Variants in DSG3 observed in about 807,000 individuals in gnomAD.
DSG3 encodes desmoglein 3.
Under a neutral mutation model 85.9 loss-of-function variants are expected in DSG3, and 63 were observed. That is an observed-to-expected ratio of 0.73 (90% CI 0.60 to 0.90). The LOEUF (loss-of-function observed/expected upper bound fraction) is 0.90. Ranked by LOEUF, DSG3 falls within the 40% of genes least tolerant of loss-of-function variation. The pLI is 0.00. For synonymous variants in DSG3, 447 were observed against 441.9 expected (o/e 1.01, Z -0.14); for missense variants, 1,220 against 1,219.9 (o/e 1.00, Z 0.00).
chr18:31,460,286 A>T (rs1046038280), intron 6 of DSG3, among the ~76,000 whole-genome samples: 2 of 152,232 alleles, frequency 1.3e-5, no homozygotes, highest in East Asian at 3.9e-4. Flanking sequence ...ATACATGGAC[A>T]AAGATTGAAC....
At chr18:31,460,182 C>T (rs925323295) in intron 6 of DSG3, among the ~76,000 whole-genome samples, 171 bp downstream of exon 6, 6 of 152,084 alleles carry the variant, frequency 3.9e-5, no homozygotes, top group African/African-American at 4.8e-5. Flanking sequence ...TCTGGTGAGG[C>T]GAGATGTGTA....
At position 31,460,946 on chromosome 18, in the gene DSG3, G is replaced by A. The variant is rs1453065126; in HGVS notation, c.798G>A (p.Met266Ile). ...KVKDVNDNFPMFRDSQYSARI... is the reference protein window; with the variant it reads ...KVKDVNDNFPIFRDSQYSARI... Reference sequence around the variant, plus strand: ...AAGATGTCAACGATAACTTCCCAATGTTTAGAGACTCTCAGGTACACCCAT... The same window carrying A: ...AAGATGTCAACGATAACTTCCCAATATTTAGAGACTCTCAGGTACACCCAT... The change falls in exon 7 of 16, where the codon ATG (methionine) becomes ATA (isoleucine). Residue 266 changes from methionine (M) to isoleucine (I), a missense_variant. Coordinates refer to ENST00000257189, the MANE Select transcript of DSG3 (RefSeq NM_001944.3). 3.7e-6 allele frequency: 6 copies of A among 1,600,188 alleles called. No homozygotes were observed. Among genetic ancestry groups the A allele is most frequent in the Middle Eastern group, 1.7e-4 (1 of 6,008 alleles).
In DSG3 at chr18:31,476,966, A is replaced by C. The variant is rs1160526100; in HGVS notation, c.*706A>C. ...GGGCGACAGAGCGAGACTCCGTCTCAAAAAAAAAAAAAAAAAAAGAATCAC... is the reference window on the plus strand; with the variant it reads ...GGGCGACAGAGCGAGACTCCGTCTCCAAAAAAAAAAAAAAAAAAGAATCAC... On this transcript the variant is annotated 3_prime_UTR_variant, in exon 16 of 16. Coordinates refer to ENST00000257189, the MANE Select transcript of DSG3 (RefSeq NM_001944.3). 1.8e-5 allele frequency: 1 copy of C among 55,732 alleles called. No individual in the cohort carries two copies. The highest frequency in any genetic ancestry group is 2.9e-4 in the East Asian group (1 of 3,458). 3.5% of individuals were successfully genotyped at this position (55,732 alleles called of 1,614,324 possible). A position where few individuals can be genotyped will look rare whatever the true frequency, so the allele number is the denominator to read the frequency against.
At chr18:31,471,986 T>C (rs1010446852) in intron 12 of DSG3, among the ~76,000 whole-genome samples, 10 of 152,138 alleles carry the variant, frequency 6.6e-5, no homozygotes, top group African/African-American at 2.2e-4. Context: ...AGGAAAAGGA[T>C]TGAGGAGCCA....
At chr18:31,452,751 G>A (rs1036564765) in intron 1 of DSG3, among the ~76,000 whole-genome samples, 1 of 152,140 alleles carries the variant, frequency 6.6e-6, no homozygotes, top group African/African-American at 2.4e-5. Flanking sequence ...ATTAAGGAAT[G>A]TTCCCAAGTT....
chr18:31,475,643 TAGAA>T lies in DSG3; in HGVS notation c.2386_2389del (p.Lys796HisfsTer18). ...ATTTTTTCCCACTTTTTCTCTGTCT[TAGAA>T]AGCATTTGCCTGTGCGGAGGAAGAC... On this transcript the variant is annotated splice_acceptor_variant and coding_sequence_variant, in exon 16 of 16. Transcript: ENST00000257189. LOFTEE classifies it high-confidence loss of function. 6.2e-7 allele frequency: 1 copy of T among 1,612,354 alleles called. No homozygotes were observed. Among genetic ancestry groups the T allele is most frequent in the South Asian group, 1.1e-5 (1 of 90,910 alleles).
chr18:31,455,459 A>G (rs1438039284), intron 1 of DSG3, among the ~76,000 whole-genome samples: 1 of 152,226 alleles, frequency 6.6e-6, no homozygotes, highest in Non-Finnish European at 1.5e-5. Flanking sequence ...CTGGCTTAGC[A>G]CAGAAATTCT....
intron 12 of DSG3, among the ~76,000 whole-genome samples, chr18:31,470,061 A>G (rs1305999496): frequency 6.6e-6 from 1 of 152,088 alleles, no homozygotes; most frequent in Non-Finnish European, 1.5e-5. Flanking sequence ...AATTTATTCA[A>G]TAGATAGGTT....
chr18:31,473,562 C>A (rs2072868336), intron 14 of DSG3, among the ~76,000 whole-genome samples: 1 of 152,224 alleles, frequency 6.6e-6, no homozygotes, highest in East Asian at 1.9e-4. Flanking sequence ...CCACTCCTCA[C>A]CTGCTTTTCC....
At position 31,458,505 on chromosome 18, in the gene DSG3, G is replaced by T; in HGVS notation, c.277G>T (p.Asp93Tyr). Reference protein sequence around the residue: ...ITYRISGVGIDQPPFGIFVVD... With the variant: ...ITYRISGVGIYQPPFGIFVVD... The stretch of plus-strand genomic sequence containing the variant: ...CTACCGAATCTCTGGAGTGGGAATC[G>T]ATCAGCCGCCTTTTGGAATCTTTGT... The change falls in exon 4 of 16, where the codon GAT becomes TAT. Residue 93 changes from aspartate to tyrosine, a missense_variant. By Grantham distance (160) the Asp-to-Tyr change is radical. Coordinates refer to ENST00000257189, the MANE Select transcript of DSG3 (RefSeq NM_001944.3). 2.5e-6 allele frequency: 4 copies of T among 1,614,078 alleles called. No individual in the cohort carries two copies. The highest frequency in any genetic ancestry group is 3.4e-6 in the Non-Finnish European group (4 of 1,179,966).
At chr18:31,468,868 G>A (rs371947248) in intron 11 of DSG3, among the ~76,000 whole-genome samples, 1 of 152,130 alleles carries the variant, frequency 6.6e-6, no homozygotes, top group East Asian at 1.9e-4. Context: ...GTGCTCTCAT[G>A]CTCTCTTGTC....
At chr18:31,459,296 A>C (rs1243494897) in intron 5 of DSG3, 119 bp downstream of exon 5, 5 of 993,632 alleles carry the variant, frequency 5.0e-6, no homozygotes, top group Non-Finnish European at 5.8e-6. Flanking sequence ...AGTTTTGAAA[A>C]ATAAAATTCA....
At chr18:31,448,983 C>G (rs893707701) in intron 1 of DSG3, among the ~76,000 whole-genome samples, 2 of 152,226 alleles carry the variant, frequency 1.3e-5, no homozygotes, top group South Asian at 2.1e-4. Context: ...CCAACTTCTG[C>G]CTCTGGGGTT....
intron 14 of DSG3, among the ~76,000 whole-genome samples, chr18:31,473,675 G>A (rs1210460637): frequency 6.6e-6 from 1 of 152,174 alleles, no homozygotes; most frequent in Non-Finnish European, 1.5e-5. Flanking sequence ...GTCATGATTT[G>A]TTAAATTCTC....
At position 31,477,188 on chromosome 18, in the gene DSG3, A is replaced by T. The variant is rs544149672; in HGVS notation, c.*928A>T. ...AAGAGAATTTTGAAATAGAAATATC[A>T]TAGAACATTTAAGAAAGTTTAGTAT... On this transcript the variant is annotated 3_prime_UTR_variant, in exon 16 of 16. Coordinates refer to ENST00000257189, the MANE Select transcript of DSG3 (RefSeq NM_001944.3). 6.8e-6 allele frequency: 1 copy of T among 146,120 alleles called. No homozygotes were observed. The highest frequency in any genetic ancestry group is 2.8e-5 in the African/African-American group (1 of 35,656). 9.1% of individuals were successfully genotyped at this position (146,120 alleles called of 1,614,324 possible).
At position 31,472,517 on chromosome 18, in the gene DSG3, A is replaced by G. The variant is rs2072862380; in HGVS notation, c.2037+94A>G. 11 of 1,455,188 alleles carry G rather than the reference A, an allele frequency of 7.6e-6. No homozygotes were observed. In the Admixed American group the frequency reaches 2.6e-4, roughly 34 times the overall value. 90.1% of individuals were successfully genotyped at this position (1,455,188 alleles called of 1,614,324 possible). On this transcript the variant is annotated intron_variant, in intron 13 of 15. Transcript: ENST00000257189. ...GGAAAAGAGGCAAAGAGATTTCTTGACCTTCAGTTTCAGAGTCAGTGCTGA... is the reference window on the plus strand; with the variant it reads ...GGAAAAGAGGCAAAGAGATTTCTTGGCCTTCAGTTTCAGAGTCAGTGCTGA...
In DSG3 at chr18:31,475,685, G is replaced by A. The variant is rs771012193; in HGVS notation, c.2425G>A (p.Ala809Thr). 6.2e-7 allele frequency: 1 copy of A among 1,614,192 alleles called. No individual in the cohort carries two copies. The highest frequency in any genetic ancestry group is 8.5e-7 in the Non-Finnish European group (1 of 1,180,038). The change falls in exon 16 of 16, where the codon GCA becomes ACA. Residue 809 changes from alanine to threonine, a missense_variant. Ala to Thr is a moderately conservative substitution (Grantham distance 58). Coordinates refer to ENST00000257189, the MANE Select transcript of DSG3 (RefSeq NM_001944.3). ...ACAEEDDGQE[A>T]NDCLLIYDNE... The stretch of plus-strand genomic sequence containing the variant: ...TGCGGAGGAAGACGATGGCCAGGAA[G>A]CAAATGACTGCTTGTTGATCTATGA...
intron 14 of DSG3, 42 bp from the exon 15 acceptor site, chr18:31,474,079 C>T (rs2144246821): frequency 6.4e-7 from 1 of 1,571,624 alleles, no homozygotes; most frequent in South Asian, 1.2e-5. Context: ...ATGCAACAAA[C>T]AACAGCATAA....
chr18:31,476,116 T>C lies in DSG3; in HGVS notation c.2856T>C (p.Asp952=). 1 of 1,614,192 alleles carries C rather than the reference T, an allele frequency of 6.2e-7. No homozygotes were observed. The highest frequency in any genetic ancestry group is 1.1e-5 in the South Asian group (1 of 91,088). The change falls in exon 16 of 16, where the codon GAT becomes GAC. Residue 952 remains aspartate, a synonymous_variant. Coordinates refer to ENST00000257189, the MANE Select transcript of DSG3 (RefSeq NM_001944.3). ...SLVQPSTAGF[D]PLLTQNVIVT... Reference sequence around the variant, plus strand: ...TGCAACCTTCCACTGCAGGCTTTGATCCACTTCTCACACAAAATGTGATAG... The same window carrying C: ...TGCAACCTTCCACTGCAGGCTTTGACCCACTTCTCACACAAAATGTGATAG...
Sources: allele counts gnomAD v4.1 joint callset (sites outside exome capture counted in the v4.1 genomes callset), GRCh38; gene constraint gnomAD v4.1.1; transcripts MANE v1.5; gene names NCBI Gene and HGNC (gene_info 2026-07-23, HGNC 2026-07-21).